Variants in TSHR observed in about 807,000 individuals in gnomAD.
TSHR encodes thyrotropin receptor.
Under a neutral mutation model 64.1 loss-of-function variants are expected in TSHR, and 51 were observed. That is an observed-to-expected ratio of 0.80 (90% CI 0.64 to 1.01). TSHR has a LOEUF of 1.01. Ranked by LOEUF, TSHR falls within the 50% of genes least tolerant of loss-of-function variation. TSHR has a pLI of 0.00. For synonymous variants in TSHR, 361 were observed against 361.9 expected, an observed-to-expected ratio of 1.00 and a Z score of 0.03; for missense variants, 877 against 942.8, an observed-to-expected ratio of 0.93 and a Z score of 0.91.
intron 1 of TSHR, 25 bp downstream of exon 1, chr14:80,955,875 T>G (rs936164112): frequency 6.2e-7 from 1 of 1,613,998 alleles, no homozygotes. Context: ...GAGATCAGGG[T>G]AGGACCCAGA....
At chr14:80,995,023 T>C (rs1203901917) in intron 1 of TSHR, 1 of 152,080 alleles carries the variant, frequency 6.6e-6, no homozygotes, top group Non-Finnish European at 1.5e-5. Context: ...CCAGCATATA[T>C]AATGGACTTA....
At chr14:81,070,881 T>C (rs750272978) in intron 3 of TSHR, among the ~76,000 whole-genome samples, 1 of 152,118 alleles carries the variant, frequency 6.6e-6, no homozygotes, top group Non-Finnish European at 1.5e-5. Context: ...TTAAAGGAAC[T>C]ACTAATGGGA....
intron 8 of TSHR, among the ~76,000 whole-genome samples, chr14:81,127,099 A>G (rs72691628): frequency 0.069 from 10,554 of 152,320 alleles, 483 homozygotes; most frequent in African/African-American, 0.13. Flanking sequence ...ACAGGTATAA[A>G]TCAACCTTGG....
intron 1 of TSHR, among the ~76,000 whole-genome samples, chr14:81,055,640 G>A (rs1183782052): frequency 6.6e-6 from 1 of 152,212 alleles, no homozygotes; most frequent in Non-Finnish European, 1.5e-5. Context: ...TGGAGTCAAA[G>A]GAGATCGTTT....
intron 9 of TSHR, 76 bp downstream of exon 9, chr14:81,139,943 A>G (rs1891616335): frequency 1.3e-6 from 2 of 1,565,776 alleles, no homozygotes; most frequent in Admixed American, 1.8e-5. Flanking sequence ...TTTGGGGAAG[A>G]TGCTTCCTGG....
At chr14:81,078,359 C>A (rs1887647391) in intron 3 of TSHR, among the ~76,000 whole-genome samples, 1 of 152,128 alleles carries the variant, frequency 6.6e-6, no homozygotes, top group Non-Finnish European at 1.5e-5. Context: ...TTCTGGCCTT[C>A]TTTTTTTCTG....
chr14:81,091,105 C>A lies in TSHR; in HGVS notation c.429C>A (p.Asp143Glu), dbSNP rs377688913. Residue 143 changes from aspartate to glutamate, a missense_variant, in exon 5 of 10, where the codon GAC (aspartate) becomes GAA (glutamate). Physicochemically the swap from Asp to Glu is conservative, Grantham distance 45. Transcript: ENST00000298171. Reference protein sequence around the residue: ...IFNTGLKMFPDLTKVYSTDIF... With the variant: ...IFNTGLKMFPELTKVYSTDIF... ...ACACTGGACTTAAAATGTTCCCTGA[C>A]CTGACCAAAGTTTATTCCACTGATA... The A allele has an allele frequency of 9.9e-6, 16 of 1,612,370 alleles. No homozygotes were observed. The highest frequency in any genetic ancestry group is 1.2e-5 in the Non-Finnish European group (14 of 1,179,880).
At chr14:81,069,718 G>A (rs1886923473) in intron 3 of TSHR, among the ~76,000 whole-genome samples, 1 of 152,090 alleles carries the variant, frequency 6.6e-6, no homozygotes, top group South Asian at 2.1e-4. Flanking sequence ...CTAGAAGTAT[G>A]GGAAAACTGT....
At chr14:81,009,522 T>G (rs969749646) in intron 1 of TSHR, among the ~76,000 whole-genome samples, 1 of 152,172 alleles carries the variant, frequency 6.6e-6, no homozygotes, top group African/African-American at 2.4e-5. Flanking sequence ...GAGTTATCAG[T>G]GTGCTGCAGT....
chr14:80,963,349 C>A (rs1167998857), intron 1 of TSHR, among the ~76,000 whole-genome samples: 1 of 152,148 alleles, frequency 6.6e-6, no homozygotes, highest in African/African-American at 2.4e-5. Flanking sequence ...TTCCAGGTTC[C>A]ATATAGTTAG....
intron 3 of TSHR, 115 bp downstream of exon 3, chr14:81,068,443 G>C (rs1886821369): frequency 1.1e-6 from 1 of 888,212 alleles, no homozygotes; most frequent in Non-Finnish European, 1.8e-6. Flanking sequence ...CAAAACTTCT[G>C]TTTATGATTA....
At chr14:81,033,013 C>T (rs2139825301) in intron 1 of TSHR, 2 of 361,928 alleles carry the variant, frequency 5.5e-6, no homozygotes, top group South Asian at 3.0e-5. Context: ...GGCAGATTTA[C>T]TGGAGTCCTT....
chr14:81,097,412 A>G (rs1051699422), intron 7 of TSHR, among the ~76,000 whole-genome samples: 1 of 152,180 alleles, frequency 6.6e-6, no homozygotes, highest in African/African-American at 2.4e-5. Context: ...GCCTTATGAC[A>G]CAAAATCTGT....
At chr14:81,141,746 TA>T (rs1891696954) in intron 9 of TSHR, among the ~76,000 whole-genome samples, 4 of 152,162 alleles carry the variant, frequency 2.6e-5, no homozygotes, top group Non-Finnish European at 5.9e-5. Flanking sequence ...CTGTATCTAC[TA>T]AAAATACATA....
In TSHR at chr14:81,088,034, T is replaced by G. The variant is rs1331827783; in HGVS notation, c.392+6T>G. The G allele has an allele frequency of 6.2e-7, 1 of 1,607,924 alleles. No individual in the cohort carries two copies. ...CTCCCCCTCCTAAAGTTCCTGTAAG[T>G]ATTAAATCCTCTCCCATCCTACTTT... On this transcript the variant is annotated splice_donor_region_variant and intron_variant, in intron 4 of 9. Coordinates refer to ENST00000298171, the MANE Select transcript of TSHR (RefSeq NM_000369.5).
At position 81,143,862 on chromosome 14, in the gene TSHR, G is replaced by A. The variant is rs577092617; in HGVS notation, c.1804G>A (p.Val602Met). ...CTTCGTCATCGTCTGCTGCTGTTAT[G>A]TGAAGATCTACATCACAGTCCGAAA... Reference protein sequence around the residue: ...VAFVIVCCCYVKIYITVRNPQ... With the variant: ...VAFVIVCCCYMKIYITVRNPQ... The change falls in exon 10 of 10, where the codon GTG (valine) becomes ATG (methionine). Residue 602 changes from valine (V) to methionine (M), a missense_variant. Val to Met is a conservative substitution (Grantham distance 21). Transcript: ENST00000298171. The A allele has an allele frequency of 1.4e-5, 22 of 1,613,846 alleles. No homozygotes were observed. The African/African-American group carries it at 2.7e-4, about 20-fold the overall frequency.
chr14:81,118,830 A>T (rs923896190), intron 8 of TSHR, among the ~76,000 whole-genome samples: 1 of 150,870 alleles, frequency 6.6e-6, no homozygotes, highest in African/African-American at 2.5e-5. Context: ...CAAAACAGAG[A>T]TATAGATCAA....
intron 2 of TSHR, among the ~76,000 whole-genome samples, chr14:81,064,517 A>G (rs1247905908): frequency 6.6e-6 from 1 of 152,140 alleles, no homozygotes; most frequent in African/African-American, 2.4e-5. Flanking sequence ...AGCCCCTACT[A>G]TGTGCCAATC....
At chr14:81,015,676 C>T (rs1890143527) in intron 1 of TSHR, among the ~76,000 whole-genome samples, 1 of 152,018 alleles carries the variant, frequency 6.6e-6, no homozygotes, top group Non-Finnish European at 1.5e-5. Flanking sequence ...TACAAGTACA[C>T]AATGTTATTA....
Sources: gnomAD v4.1 joint callset for allele counts (sites outside exome capture counted in the v4.1 genomes callset) on GRCh38, gnomAD v4.1.1 for gene constraint, MANE v1.5 for transcripts, NCBI Gene and HGNC (gene_info 2026-07-23, HGNC 2026-07-21) for gene names.